LINGO2: variants seen among roughly 807,000 people sequenced by gnomAD.
LINGO2 encodes the protein leucine-rich repeat and immunoglobulin-like domain-containing nogo receptor-interacting protein 2.
A neutral mutation model predicts 30.6 loss-of-function variants in LINGO2; 14 were observed. That is an observed-to-expected ratio of 0.46 (90% CI 0.30 to 0.72). The LOEUF is 0.72. Ranked by LOEUF, LINGO2 falls within the 30% of genes least tolerant of loss-of-function variation. The pLI is 0.07. For synonymous variants in LINGO2, 317 were observed against 288.5 expected, an observed-to-expected ratio of 1.10 and a Z score of -1.00; for missense variants, 729 against 751.7, an observed-to-expected ratio of 0.97 and a Z score of 0.35.
At chr9:28,823,619 C>G in the LINGO2 span, among the ~76,000 whole-genome samples, 1 of 152,148 alleles carries the variant, frequency 6.6e-6, no homozygotes, top group Admixed American at 6.5e-5. Flanking sequence ...GTGAGAAAGC[C>G]TAAGATGCCT....
chr9:28,667,022 C>T (rs1184003145), intron 1 of LINGO2, among the ~76,000 whole-genome samples: 1 of 152,070 alleles, frequency 6.6e-6, no homozygotes, highest in Non-Finnish European at 1.5e-5. Context: ...AAGGCTATTT[C>T]TCCACATAAA....
At chr9:27,982,703 T>C (rs1007269081) in intron 5 of LINGO2, among the ~76,000 whole-genome samples, 5 of 151,888 alleles carry the variant, frequency 3.3e-5, no homozygotes, top group African/African-American at 7.2e-5. Context: ...AACTACCCTA[T>C]GCTGGTTTAA....
intron 4 of LINGO2, among the ~76,000 whole-genome samples, chr9:28,093,491 G>A (rs998015511): frequency 1.3e-5 from 2 of 152,018 alleles, no homozygotes; most frequent in African/African-American, 4.8e-5. Context: ...TGTATTTAGT[G>A]TGGCAATTAG....
intron 2 of LINGO2, among the ~76,000 whole-genome samples, chr9:28,458,023 A>G (rs1297921889): frequency 6.6e-6 from 1 of 152,158 alleles, no homozygotes; most frequent in Non-Finnish European, 1.5e-5. Flanking sequence ...ATAATTATCA[A>G]TTTCTTTCAA....
chr9:29,000,471 C>T, the LINGO2 span, among the ~76,000 whole-genome samples: 1 of 151,766 alleles, frequency 6.6e-6, no homozygotes, highest in African/African-American at 2.4e-5. Context: ...TTTGAGCACA[C>T]CAATTATCCC....
chr9:28,280,393 C>T (rs1340696856), intron 4 of LINGO2, among the ~76,000 whole-genome samples: 1 of 151,994 alleles, frequency 6.6e-6, no homozygotes, highest in Non-Finnish European at 1.5e-5. Flanking sequence ...GGAATACAAA[C>T]ATGAAAAGAA....
the LINGO2 span, among the ~76,000 whole-genome samples, chr9:28,838,368 A>G: frequency 1.3e-5 from 2 of 152,180 alleles, no homozygotes; most frequent in African/African-American, 2.4e-5. Context: ...TTCATAGGTA[A>G]TCATTAGTAT....
chr9:28,884,311 T>C, the LINGO2 span, among the ~76,000 whole-genome samples: 17 of 152,288 alleles, frequency 1.1e-4, no homozygotes, highest in Non-Finnish European at 8.8e-5. Flanking sequence ...TTACCCTTGA[T>C]AATTGTATTT....
chr9:28,502,236 C>A (rs986595147), intron 1 of LINGO2, among the ~76,000 whole-genome samples: 4 of 151,878 alleles, frequency 2.6e-5, no homozygotes, highest in Non-Finnish European at 5.9e-5. Context: ...TTTCATGACA[C>A]CACCCTCTAC....
chr9:28,307,742 C>G (rs1365443826), intron 3 of LINGO2, among the ~76,000 whole-genome samples: 1 of 152,150 alleles, frequency 6.6e-6, no homozygotes, highest in Non-Finnish European at 1.5e-5. Context: ...TCTCAGGATA[C>G]AAAATCAATG....
chr9:29,103,188 T>C, the LINGO2 span, among the ~76,000 whole-genome samples: 1 of 152,060 alleles, frequency 6.6e-6, no homozygotes, highest in Non-Finnish European at 1.5e-5. Flanking sequence ...AAGCAAGAGT[T>C]ATGTTTCTTT....
At chr9:28,069,119 A>G (rs575039295) in intron 4 of LINGO2, among the ~76,000 whole-genome samples, 1 of 152,192 alleles carries the variant, frequency 6.6e-6, no homozygotes, top group African/African-American at 2.4e-5. Flanking sequence ...TTTTTGGTAT[A>G]ATAAATTCAG....
the LINGO2 span, among the ~76,000 whole-genome samples, chr9:29,102,395 T>TA: frequency 1.3e-5 from 2 of 152,112 alleles, no homozygotes; most frequent in African/African-American, 2.4e-5. Context: ...TGCAGCTTTT[T>TA]AAAAAAATAA....
intron 4 of LINGO2, among the ~76,000 whole-genome samples, chr9:28,105,333 C>T (rs932602476): frequency 1.3e-5 from 2 of 152,070 alleles, no homozygotes; most frequent in Non-Finnish European, 2.9e-5. Flanking sequence ...TTTCTGGTGT[C>T]CTGTTTGTGC....
intron 3 of LINGO2, among the ~76,000 whole-genome samples, chr9:28,341,304 AAG>A (rs1412342977): frequency 6.6e-6 from 1 of 152,142 alleles, no homozygotes; most frequent in Non-Finnish European, 1.5e-5. Context: ...ACACAACAGA[AAG>A]AGATGTTTTT....
intron 1 of LINGO2, among the ~76,000 whole-genome samples, chr9:28,655,207 T>C (rs1402705084): frequency 6.6e-6 from 1 of 152,034 alleles, no homozygotes; most frequent in Non-Finnish European, 1.5e-5. Flanking sequence ...TTCTTCCTGC[T>C]GCCATGTGAA....
chr9:28,855,456 A>C, the LINGO2 span, among the ~76,000 whole-genome samples: 2 of 152,054 alleles, frequency 1.3e-5, no homozygotes, highest in African/African-American at 4.8e-5. Flanking sequence ...TAGTCTTTAT[A>C]AAATGCAGAC....
intron 1 of LINGO2, among the ~76,000 whole-genome samples, chr9:28,636,200 C>A (rs1052142621): frequency 6.6e-6 from 1 of 152,156 alleles, no homozygotes. Context: ...ATATATGCCA[C>A]ATTTTCTTAA....
the LINGO2 span, among the ~76,000 whole-genome samples, chr9:29,089,823 A>G: frequency 6.6e-6 from 1 of 152,044 alleles, no homozygotes; most frequent in Non-Finnish European, 1.5e-5. Context: ...ATGAATGTCA[A>G]TCATTATCTG....
Sources: gnomAD v4.1 joint callset for allele counts (sites outside exome capture counted in the v4.1 genomes callset) on GRCh38, gnomAD v4.1.1 for gene constraint, MANE v1.5 for transcripts, NCBI Gene and HGNC (gene_info 2026-07-23, HGNC 2026-07-21) for gene names.